Variants in BLTP3B observed in about 807,000 individuals in gnomAD.
BLTP3B encodes the protein UHRF1 (ICBP90) binding protein 1-like.
At chr12:100,083,001 G>A in the BLTP3B span, 14 of 1,590,470 alleles carry the variant, frequency 8.8e-6, no homozygotes, top group East Asian at 2.2e-5. Flanking sequence ...AACTTAATTG[G>A]AAAAGAAAAC....
the BLTP3B span, chr12:100,058,812 T>C: frequency 6.8e-6 from 11 of 1,613,874 alleles, no homozygotes; most frequent in African/African-American, 1.3e-5. Flanking sequence ...CAGATACTGG[T>C]AGTGATTAAT....
chr12:100,116,879 A>C, the BLTP3B span, among the ~76,000 whole-genome samples: 4 of 152,240 alleles, frequency 2.6e-5, no homozygotes, highest in Non-Finnish European at 5.9e-5. Context: ...CTAAAAAATG[A>C]GTGTAGCAAT....
the BLTP3B span, among the ~76,000 whole-genome samples, chr12:100,115,337 C>CA: frequency 6.6e-6 from 1 of 152,140 alleles, no homozygotes; most frequent in Admixed American, 6.5e-5. Flanking sequence ...GCTTGGAAAG[C>CA]AGAGGTTGCA....
chr12:100,098,231 C>CA, the BLTP3B span: 4 of 1,118,460 alleles, frequency 3.6e-6, no homozygotes, highest in African/African-American at 1.6e-5. Flanking sequence ...GCACCCTCCC[C>CA]AAAAAAAGTA....
the BLTP3B span, among the ~76,000 whole-genome samples, chr12:100,136,600 T>C: frequency 6.6e-6 from 1 of 152,192 alleles, no homozygotes; most frequent in Non-Finnish European, 1.5e-5. Flanking sequence ...ATGATACAAA[T>C]ATTAGCCTAT....
At chr12:100,132,621 C>G in the BLTP3B span, among the ~76,000 whole-genome samples, 1 of 152,258 alleles carries the variant, frequency 6.6e-6, no homozygotes. Flanking sequence ...AGTAGAACCA[C>G]GAGCTAAATA....
At chr12:100,071,460 G>A in the BLTP3B span, among the ~76,000 whole-genome samples, 1,137 of 132,582 alleles carry the variant, frequency 8.6e-3, 13 homozygotes, top group African/African-American at 0.031. Flanking sequence ...TCACGCCACC[G>A]CACTCCAGCC....
chr12:100,051,116 G>C, the BLTP3B span: 31 of 1,614,026 alleles, frequency 1.9e-5, no homozygotes, highest in Non-Finnish European at 2.6e-5. Flanking sequence ...CTCTGAATTT[G>C]TACTGATGGC....
the BLTP3B span, chr12:100,057,708 G>A: frequency 1.2e-6 from 2 of 1,611,650 alleles, no homozygotes; most frequent in South Asian, 1.1e-5. Context: ...AACACAGAGA[G>A]GAGCCAGGTT....
At chr12:100,128,542 T>TG in the BLTP3B span, 1 of 1,051,930 alleles carries the variant, frequency 9.5e-7, no homozygotes, top group African/African-American at 2.1e-5. Context: ...ATTTATAGAA[T>TG]GAAAAAAAAA....
the BLTP3B span, among the ~76,000 whole-genome samples, chr12:100,124,764 A>T: frequency 6.7e-6 from 1 of 150,072 alleles, no homozygotes; most frequent in Admixed American, 6.7e-5. Flanking sequence ...ATAATAATAA[A>T]AATAAAAATT....
chr12:100,105,852 A>C, the BLTP3B span, among the ~76,000 whole-genome samples: 1 of 152,100 alleles, frequency 6.6e-6, no homozygotes, highest in Non-Finnish European at 1.5e-5. Flanking sequence ...GAACTCAAAC[A>C]AATCAGCAAG....
At chr12:100,037,349 CTTCTT>C in the BLTP3B span, 65 of 1,046,490 alleles carry the variant, frequency 6.2e-5, no homozygotes, top group East Asian at 3.8e-3. Context: ...GAAATGACAT[CTTCTT>C]TTCATTAGGC....
chr12:100,075,919 C>CA, the BLTP3B span, among the ~76,000 whole-genome samples: 2 of 151,626 alleles, frequency 1.3e-5, no homozygotes, highest in African/African-American at 4.8e-5. Flanking sequence ...CGCATGGAGA[C>CA]AAAAAAGGGA....
the BLTP3B span, among the ~76,000 whole-genome samples, chr12:100,112,731 TGCACAAAAA>T: frequency 6.6e-6 from 1 of 151,322 alleles, no homozygotes; most frequent in South Asian, 2.1e-4. Context: ...AGAGAATAAA[TGCACAAAAA>T]GCCAAGAATC....
the BLTP3B span, among the ~76,000 whole-genome samples, chr12:100,096,655 CA>C: frequency 2.8e-5 from 4 of 144,852 alleles, no homozygotes; most frequent in Admixed American, 6.9e-5. Flanking sequence ...CCTGTCTCTA[CA>C]AAAAAAAAAT....
the BLTP3B span, chr12:100,059,581 T>A: frequency 6.6e-7 from 1 of 1,512,104 alleles, no homozygotes; most frequent in South Asian, 1.3e-5. Context: ...AATCCATACA[T>A]CTTGAAGATA....
the BLTP3B span, among the ~76,000 whole-genome samples, chr12:100,074,788 C>CT: frequency 6.6e-6 from 1 of 152,032 alleles, no homozygotes; most frequent in Non-Finnish European, 1.5e-5. Flanking sequence ...CATTACATAA[C>CT]TATACTATAA....
the BLTP3B span, among the ~76,000 whole-genome samples, chr12:100,048,771 A>AGTGTGTGTGTGTGTGTGT: frequency 8.7e-6 from 1 of 114,978 alleles, no homozygotes; most frequent in African/African-American, 3.3e-5. Context: ...AGTGAGAGTG[A>AGTGTGTGTGTGTGTGTGT]GTGTGTGTGT....
Sources: gnomAD v4.1 joint callset for allele counts (sites outside exome capture counted in the v4.1 genomes callset) on GRCh38, gnomAD v4.1.1 for gene constraint, MANE v1.5 for transcripts, NCBI Gene and HGNC (gene_info 2026-07-23, HGNC 2026-07-21) for gene names.